The following ARAP3 variants were observed in gnomAD, a reference collection of about 807,000 sequenced individuals.
ARAP3 encodes arf-GAP with Rho-GAP domain, ANK repeat and PH domain-containing protein 3.
In ARAP3, 82 loss-of-function variants were observed where a neutral mutation model predicts 169.2. The observed-to-expected ratio is 0.48, with a 90% CI of 0.41 to 0.58. The LOEUF (loss-of-function observed/expected upper bound fraction) is 0.58. Ranked by LOEUF, ARAP3 falls within the 20% of genes least tolerant of loss-of-function variation. The pLI is 0.00. For synonymous variants in ARAP3, 791 were observed against 800.3 expected (o/e 0.99, Z 0.20); for missense variants, 1,764 against 2,018.0 (o/e 0.87, Z 2.41).
rs899421386 is a variant in ARAP3, at chr5:141,671,483, C to T, written c.1855-83G>A. 1.2e-5 allele frequency: 19 copies of T among 1,602,118 alleles called. No individual in the cohort carries two copies. The highest frequency in any genetic ancestry group is 9.4e-5 in the African/African-American group (7 of 74,632). On this transcript the variant is annotated intron_variant, in intron 12 of 32. Transcript: ENST00000239440. The surrounding 1 kb of genome is among the most constrained non-coding windows in gnomAD (Gnocchi z 4.9). ...CAGTCGTATCATCACTAAAAACAGT[C>T]CCCACCACCCAAGTCTAGGCATTCC...
chr5:141,655,248 A>G (rs190798439), intron 32 of ARAP3, 114 bp downstream of exon 32: 1 of 1,124,010 alleles, frequency 8.9e-7, no homozygotes, highest in African/African-American at 1.6e-5. Context: ...ACACACACAC[A>G]CACACACACA....
intron 16 of ARAP3, among the ~76,000 whole-genome samples, chr5:141,669,215 A>G (rs1436583227): frequency 6.6e-6 from 1 of 152,122 alleles, no homozygotes; most frequent in Non-Finnish European, 1.5e-5. Flanking sequence ...CTGAATTTTC[A>G]GTTTTGGGAA....
chr5:141,660,124 T>C (rs940412345), intron 21 of ARAP3, among the ~76,000 whole-genome samples, 198 bp from the exon 22 acceptor site: 8 of 152,154 alleles, frequency 5.3e-5, no homozygotes, highest in South Asian at 2.1e-4. Context: ...ATAGTAGACA[T>C]TTTAGGCTTG....
intron 23 of ARAP3, 146 bp downstream of exon 23, chr5:141,659,262 C>G (rs1181771696): frequency 8.4e-6 from 6 of 712,724 alleles, no homozygotes; most frequent in Non-Finnish European, 1.5e-5. Flanking sequence ...GCACTTCTCT[C>G]ATTGGGTTCC....
intron 25 of ARAP3, among the ~76,000 whole-genome samples, chr5:141,657,122 C>T (rs1224369102): frequency 6.6e-6 from 1 of 152,186 alleles, no homozygotes; most frequent in African/African-American, 2.4e-5. Context: ...GAGCAAGCAA[C>T]AGGACAGCAA....
intron 20 of ARAP3, 31 bp downstream of exon 20, chr5:141,662,012 G>A (rs1034283388): frequency 1.2e-6 from 2 of 1,610,754 alleles, no homozygotes; most frequent in African/African-American, 2.7e-5. Flanking sequence ...GATCCTGGTT[G>A]GGCCTTGGCT....
intron 3 of ARAP3, 41 bp downstream of exon 3, chr5:141,679,720 C>T (rs908950964): frequency 2.5e-6 from 4 of 1,613,954 alleles, no homozygotes; most frequent in Non-Finnish European, 1.7e-6. Context: ...GAGGTCCTGC[C>T]GGCACTATCC....
At chr5:141,660,977 T>C (rs977010482) in intron 21 of ARAP3, among the ~76,000 whole-genome samples, 5 of 152,224 alleles carry the variant, frequency 3.3e-5, no homozygotes, top group African/African-American at 1.2e-4. Flanking sequence ...TGAAGGCTTA[T>C]GACATGCCGG....
At position 141,672,026 on chromosome 5, in the gene ARAP3, G is replaced by A. The variant is rs770540576; in HGVS notation, c.1586-46C>T. 2.4e-5 allele frequency: 38 copies of A among 1,613,796 alleles called. No homozygotes were observed. In the Admixed American group the frequency reaches 2.8e-4, roughly 12 times the overall value. On this transcript the variant is annotated intron_variant, in intron 10 of 32. Coordinates refer to ENST00000239440, the MANE Select transcript of ARAP3 (RefSeq NM_022481.6). This position sits in a 1 kb window ranked among gnomAD's most constrained non-coding sequence, Gnocchi z 4.9. ...GTGAGGGTGTGTGAGGGTGTGAGGG[G>A]CATGTGGCACGGGTACCCTGAGCCC...
At chr5:141,654,944 G>A (rs2099909016) in intron 32 of ARAP3, among the ~76,000 whole-genome samples, 1 of 151,924 alleles carries the variant, frequency 6.6e-6, no homozygotes, top group Admixed American at 6.6e-5. Flanking sequence ...TCACCATGTC[G>A]ATTAGACTGG....
chr5:141,660,004 G>C, intron 21 of ARAP3, 78 bp from the exon 22 acceptor site: 1 of 1,479,146 alleles, frequency 6.8e-7, no homozygotes, highest in Non-Finnish European at 9.1e-7. Flanking sequence ...TTGTATGCCT[G>C]GGCTAAGTGC....
At chr5:141,670,133 A>G in intron 14 of ARAP3, 70 bp from the exon 15 acceptor site, 1 of 1,552,114 alleles carries the variant, frequency 6.4e-7, no homozygotes, top group Non-Finnish European at 8.6e-7. Flanking sequence ...AGTTTACCAG[A>G]TATTTATTCT....
chr5:141,660,056 C>T, intron 21 of ARAP3, 130 bp from the exon 22 acceptor site: 2 of 1,246,800 alleles, frequency 1.6e-6, no homozygotes, highest in Non-Finnish European at 1.1e-6. Context: ...CAAGGAGCTC[C>T]CAGTCTAGGG....
Position 141,662,231 on chromosome 5 carries a change from C to T in ARAP3, c.2825G>A (p.Arg942Gln), listed in dbSNP as rs778361840. The change falls in exon 20 of 33, where the codon CGG becomes CAG. Residue 942 changes from arginine to glutamine, a missense_variant. Arg to Gln is a conservative substitution (Grantham distance 43, BLOSUM62 1). This residue lies in a region of ARAP3 where 1,112 missense variants were observed against 1,285.7 expected (regional missense o/e 0.86). Transcript: ENST00000239440. Reference protein sequence around the residue: ...QHGLRLEGVYRKGGARARSLR... With the variant: ...QHGLRLEGVYQKGGARARSLR... ...GCTGCGGGCACGAGCGCCCCCTTTC[C>T]GGTATACACCTTCCAGCCGGAGCCC... The T allele has an allele frequency of 1.8e-5, 29 of 1,614,076 alleles. No homozygotes were observed. The highest frequency in any genetic ancestry group is 2.2e-5 in the Non-Finnish European group (26 of 1,180,046).
chr5:141,655,446 A>G, intron 31 of ARAP3, 46 bp from the exon 32 acceptor site: 1 of 1,584,514 alleles, frequency 6.3e-7, no homozygotes, highest in Non-Finnish European at 8.6e-7. Flanking sequence ...AGACATAAAG[A>G]CACAGTGAGG....
rs780063109 is a variant in ARAP3 at position 141,662,114 on chromosome 5, T to A, written c.2942A>T (p.Lys981Ile). 2 of 1,614,106 alleles carry A rather than the reference T, an allele frequency of 1.2e-6. No homozygotes were observed. Among genetic ancestry groups the A allele is most frequent in the Non-Finnish European group, 1.7e-6 (2 of 1,180,048 alleles). Residue 981 changes from lysine (K) to isoleucine (I), a missense_variant, in exon 20 of 33, where the codon AAA becomes ATA. Lys to Ile is a moderately radical substitution (Grantham distance 102). Coordinates refer to ENST00000239440, the MANE Select transcript of ARAP3 (RefSeq NM_022481.6). The stretch of plus-strand genomic sequence containing the variant: ...GTCATCGAGCTCACGAAAGAAGCGT[T>A]TGAGTGTGTCAGTGACATCCTCCAC... Reference protein sequence around the residue: ...HFVEDVTDTLKRFFRELDDPV... With the variant: ...HFVEDVTDTLIRFFRELDDPV...
Position 141,670,642 on chromosome 5 carries a change from G to A in ARAP3, c.1991-14C>T. ...CAGGGGAGGGGTCTGCAAGGGGAAG[G>A]GGAAGTAGTCAGGTCAACCAAGTGC... is the stretch of plus-strand genomic sequence containing the variant. On this transcript the variant is annotated splice_polypyrimidine_tract_variant and intron_variant, in intron 13 of 32. Transcript: ENST00000239440. The A allele has an allele frequency of 6.2e-7, 1 of 1,611,036 alleles. No homozygotes were observed. The highest frequency in any genetic ancestry group is 1.3e-5 in the African/African-American group (1 of 74,994).
chr5:141,665,415 T>A (rs2099910498), intron 17 of ARAP3, 41 bp from the exon 18 acceptor site: 1 of 1,596,172 alleles, frequency 6.3e-7, no homozygotes, highest in African/African-American at 1.3e-5. Flanking sequence ...ATTATCGTCT[T>A]CATTATAGAG....
intron 1 of ARAP3, among the ~76,000 whole-genome samples, 189 bp downstream of exon 1, chr5:141,681,984 C>A (rs1361363950): frequency 4.9e-5 from 7 of 144,004 alleles, no homozygotes; most frequent in Non-Finnish European, 1.1e-4. Context: ...GCGGGCAGCG[C>A]AGGCTGCGAC....
Sources: allele counts gnomAD v4.1 joint callset (sites outside exome capture counted in the v4.1 genomes callset), GRCh38; gene constraint gnomAD v4.1.1; regional missense constraint gnomAD v4.1.1; non-coding constraint Gnocchi (gnomAD v3.1); transcripts MANE v1.5; gene names NCBI Gene and HGNC (gene_info 2026-07-23, HGNC 2026-07-21).